Variants in DIP2B observed in about 807,000 individuals in gnomAD.
DIP2B encodes the protein disco-interacting protein 2 homolog B.
In DIP2B, 76 loss-of-function variants were observed where a neutral mutation model predicts 198.0. That is an observed-to-expected ratio of 0.38 (90% CI 0.32 to 0.46). The LOEUF is 0.46. DIP2B is among the 20% of genes least tolerant of loss of function. The pLI is 0.99. For synonymous variants in DIP2B, 701 were observed against 739.1 expected, an observed-to-expected ratio of 0.95 and a Z score of 0.84; for missense variants, 1,559 against 1,978.4, an observed-to-expected ratio of 0.79 and a Z score of 4.02.
At chr12:50,705,936 G>A (rs948445926) in intron 20 of DIP2B, among the ~76,000 whole-genome samples, 7 of 152,218 alleles carry the variant, frequency 4.6e-5, no homozygotes, top group Admixed American at 3.9e-4. Flanking sequence ...TGCTGCAAAT[G>A]AGTCTGGGAA....
chr12:50,735,477 G>GTT (rs35163524), intron 34 of DIP2B, among the ~76,000 whole-genome samples: 15 of 136,712 alleles, frequency 1.1e-4, no homozygotes, highest in East Asian at 7.9e-4. Context: ...TTTGTTTTTT[G>GTT]TTTTTTTTGA....
At chr12:50,710,633 C>T (rs1420816236) in intron 22 of DIP2B, among the ~76,000 whole-genome samples, 2 of 152,122 alleles carry the variant, frequency 1.3e-5, no homozygotes, top group Non-Finnish European at 2.9e-5. Flanking sequence ...CCATGTTGGC[C>T]AGGCTGGTCT....
rs148251740 is a variant in DIP2B at position 50,689,780 on chromosome 12, A to G, written c.1552-1269A>G. 7.7e-4 allele frequency among the ~76,000 whole-genome samples: 118 copies of G among 152,328 alleles called. 1 individual carries two copies. The highest frequency in any genetic ancestry group is 2.7e-3 in the African/African-American group (113 of 41,576). On this transcript the variant is annotated intron_variant, in intron 12 of 37. Transcript: ENST00000301180. ...GGAATGCAGTAACCTAATGGAATAA[A>G]GTGAAAAGAGATAAGGGTGGAGAAT...
chr12:50,728,590 C>T lies in DIP2B; in HGVS notation c.3553C>T (p.Leu1185Phe). 1.2e-6 allele frequency: 2 copies of T among 1,614,184 alleles called. No individual in the cohort carries two copies. The highest frequency in any genetic ancestry group is 2.7e-5 in the African/African-American group (2 of 75,070). ...AVNALCRAIK[L>F]QCELYSSRQI... ...GAACGCTCTGTGTCGAGCCATCAAG[C>T]TCCAGTGTGAGTTGTACTCTTCTCG... The change falls in exon 30 of 38, where the codon CTC becomes TTC. Residue 1185 changes from leucine to phenylalanine, a missense_variant. Coordinates refer to ENST00000301180, the MANE Select transcript of DIP2B (RefSeq NM_173602.3).
chr12:50,518,467 C>T (rs2139348770), intron 1 of DIP2B, among the ~76,000 whole-genome samples: 2 of 152,270 alleles, frequency 1.3e-5, no homozygotes, highest in African/African-American at 4.8e-5. Context: ...CCCCGGCCTC[C>T]CAAAGTACTG....
chr12:50,638,860 T>C (rs974663570), intron 2 of DIP2B, among the ~76,000 whole-genome samples: 10 of 38,482 alleles, frequency 2.6e-4, no homozygotes, highest in African/African-American at 1.1e-3. Context: ...TAGAAGTGTT[T>C]CAGATTTTTT....
rs191889855 is a variant in DIP2B at position 50,692,604 on chromosome 12, G to A, written c.1655-345G>A. 1.2e-4 allele frequency among the ~76,000 whole-genome samples: 19 copies of A among 152,246 alleles called. No homozygotes were observed. The East Asian group carries it at 1.5e-3, about 12-fold the overall frequency. ...TGTAATCCCAGCACATTGGGAGGCCGAGGCAGGAGGATCACTTGAGGTCAG... is the reference window on the plus strand; with the variant it reads ...TGTAATCCCAGCACATTGGGAGGCCAAGGCAGGAGGATCACTTGAGGTCAG... On this transcript the variant is annotated intron_variant, in intron 13 of 37. Transcript: ENST00000301180.
chr12:50,687,456 TA>T (rs1187428425), intron 12 of DIP2B, among the ~76,000 whole-genome samples: 2 of 152,168 alleles, frequency 1.3e-5, no homozygotes, highest in Non-Finnish European at 2.9e-5. Flanking sequence ...GGCAAATCAA[TA>T]AAAATTTTTT....
chr12:50,612,441 T>TC (rs2139454961), intron 1 of DIP2B, among the ~76,000 whole-genome samples: 1 of 151,688 alleles, frequency 6.6e-6, no homozygotes, highest in Non-Finnish European at 1.5e-5. Context: ...TTTTTTTTTT[T>TC]TTTTTTGAGA....
At chr12:50,608,300 T>C (rs1959001557) in intron 1 of DIP2B, among the ~76,000 whole-genome samples, 1 of 152,184 alleles carries the variant, frequency 6.6e-6, no homozygotes, top group African/African-American at 2.4e-5. Flanking sequence ...TTGATTATGC[T>C]GAAAACTTAC....
intron 2 of DIP2B, among the ~76,000 whole-genome samples, chr12:50,632,487 A>G (rs1938077991): frequency 6.7e-6 from 1 of 148,510 alleles, no homozygotes; most frequent in Non-Finnish European, 1.5e-5. Context: ...TCAAAAAAAA[A>G]AAAAAAAAAG....
At chr12:50,716,615 T>C (rs1242208826) in intron 23 of DIP2B, among the ~76,000 whole-genome samples, 1 of 152,196 alleles carries the variant, frequency 6.6e-6, no homozygotes, top group African/African-American at 2.4e-5. Context: ...TCCCCAAATA[T>C]TTACCCTTTG....
At chr12:50,515,872 C>G (rs181530819) in intron 1 of DIP2B, among the ~76,000 whole-genome samples, 36 of 152,264 alleles carry the variant, frequency 2.4e-4, no homozygotes, top group Admixed American at 2.3e-3. Context: ...CCTCCTCCAC[C>G]CCTGCCCCCA....
chr12:50,664,830 GTTTTTGTTTTTTTTT>G (rs1410612939), intron 4 of DIP2B, among the ~76,000 whole-genome samples: 1,376 of 99,616 alleles, frequency 0.014, 316 homozygotes, highest in East Asian at 0.092. Context: ...TCCTTTTTTG[GTTTTTGTTTTTTTTT>G]TTTTTTTTTT....
chr12:50,510,664 A>ATTTT lies in DIP2B; in HGVS notation c.100+5424_100+5425insTTTT, dbSNP rs1175970945. 3.0e-5 allele frequency among the ~76,000 whole-genome samples: 4 copies of ATTTT among 134,268 alleles called. 1 individual carries two copies. The highest frequency in any genetic ancestry group is 5.4e-5 in the African/African-American group (2 of 37,202). 88.1% of individuals were successfully genotyped at this position (134,268 alleles called of 152,430 possible). A position where few individuals can be genotyped will look rare whatever the true frequency, so the allele number is the denominator to read the frequency against. On this transcript the variant is annotated intron_variant, in intron 1 of 37. Coordinates refer to ENST00000301180, the MANE Select transcript of DIP2B (RefSeq NM_173602.3). ...AAGTACCACCTTTTTTTTTTTTTTG[A>ATTTT]GACGGAGTTTCACTCTTGTTGCCCA... is the stretch of plus-strand genomic sequence containing the variant.
At chr12:50,619,248 CT>C (rs538893073) in intron 1 of DIP2B, among the ~76,000 whole-genome samples, 3 of 152,146 alleles carry the variant, frequency 2.0e-5, no homozygotes, top group Non-Finnish European at 2.9e-5. Context: ...TATTTAGCCC[CT>C]AATTGCTCAA....
rs200901404 is a variant in DIP2B, at chr12:50,569,091, C to CTT, written c.101-56872_101-56871dup. Among the ~76,000 whole-genome samples, 432 of 133,680 alleles carry CTT rather than the reference C, an allele frequency of 3.2e-3. 5 individuals are homozygous for CTT. Among genetic ancestry groups the CTT allele is most frequent in the African/African-American group, 0.011 (409 of 36,660 alleles). 87.7% of individuals were successfully genotyped at this position (133,680 alleles called of 152,430 possible). On this transcript the variant is annotated intron_variant, in intron 1 of 37. Transcript: ENST00000301180. ...GCTTTTCCAGTGGAATTTCTTTTGTCTTTTTTTTTTTTTTCACCACAGCTC... is the reference window on the plus strand; with the variant it reads ...GCTTTTCCAGTGGAATTTCTTTTGTCTTTTTTTTTTTTTTTTCACCACAGCTC...
chr12:50,640,501 A>G (rs556529730), intron 2 of DIP2B, among the ~76,000 whole-genome samples: 19 of 152,130 alleles, frequency 1.2e-4, no homozygotes, highest in Non-Finnish European at 2.4e-4. Context: ...TCTTCTTGCT[A>G]TTCCTCTCCT....
intron 1 of DIP2B, among the ~76,000 whole-genome samples, chr12:50,586,813 TC>T (rs1226686782): frequency 6.6e-6 from 1 of 152,232 alleles, no homozygotes; most frequent in Non-Finnish European, 1.5e-5. Context: ...CCTCAAGTGA[TC>T]CACCCGCCTT....
Sources: gnomAD v4.1 joint callset for allele counts (sites outside exome capture counted in the v4.1 genomes callset) on GRCh38, gnomAD v4.1.1 for gene constraint, MANE v1.5 for transcripts, NCBI Gene and HGNC (gene_info 2026-07-23, HGNC 2026-07-21) for gene names.